EIF2D: variants seen among roughly 807,000 people sequenced by gnomAD.
The protein encoded by EIF2D is eukaryotic translation initiation factor 2D.
EIF2D carries 56 observed loss-of-function variants against 77.4 expected under a neutral mutation model. That is an observed-to-expected ratio of 0.72 (90% confidence interval 0.58 to 0.90). The LOEUF is 0.90. EIF2D is among the 40% of genes least tolerant of loss of function. EIF2D has a pLI of 0.00. For missense variants in EIF2D, 574 were observed against 706.5 expected, an observed-to-expected ratio of 0.81 and a Z score of 2.13; for synonymous variants, 230 against 271.0, an observed-to-expected ratio of 0.85 and a Z score of 1.49.
chr1:206,594,458 C>T (rs1669536537), intron 13 of EIF2D: 1 of 152,180 alleles, frequency 6.6e-6, no homozygotes, highest in South Asian at 2.1e-4. Flanking sequence ...TCACAATTCT[C>T]CCCCTTGTTG....
At chr1:206,582,448 T>C (rs1487117025) in intron 2 of EIF2D, among the ~76,000 whole-genome samples, 1 of 152,214 alleles carries the variant, frequency 6.6e-6, no homozygotes, top group African/African-American at 2.4e-5. Context: ...CTTCTCTTAG[T>C]CTCAATAGTC....
intron 8 of EIF2D, 139 bp downstream of exon 8, chr1:206,600,124 C>G: frequency 3.5e-6 from 3 of 866,800 alleles, no homozygotes; most frequent in Non-Finnish European, 5.3e-6. Context: ...TTTCTTTCTT[C>G]CCCCTTATAC....
chr1:206,592,930 C>T lies in EIF2D; in HGVS notation c.1684+689G>A, dbSNP rs1669417687. Among the ~76,000 whole-genome samples the T allele has an allele frequency of 6.6e-6, 1 of 152,014 alleles. No individual in the cohort carries two copies. Among genetic ancestry groups the T allele is most frequent in the Non-Finnish European group, 1.5e-5 (1 of 67,996 alleles). On this transcript the variant is annotated intron_variant, in intron 14 of 14. Coordinates refer to ENST00000271764, the MANE Select transcript of EIF2D (RefSeq NM_006893.3). The surrounding 1 kb of genome is among the most constrained non-coding windows in gnomAD (Gnocchi z 4.7). ...TGGCTTGGTCAACATAGTGAAACCC[C>T]ATATCTACTAAAAATACAAAAATTA...
At position 206,603,018 on chromosome 1, in the gene EIF2D, T is replaced by A; in HGVS notation, c.717A>T (p.Ser239=). 1 of 1,614,162 alleles carries A rather than the reference T, an allele frequency of 6.2e-7. No homozygotes were observed. The highest frequency in any genetic ancestry group is 8.5e-7 in the Non-Finnish European group (1 of 1,180,030). Residue 239 remains serine (S), a synonymous_variant, in exon 6 of 15, where the codon TCA becomes TCT. Coordinates refer to ENST00000271764, the MANE Select transcript of EIF2D (RefSeq NM_006893.3). ...VHQAREDKSL[S]EAPEDTSTRG... Reference sequence around the variant, plus strand: ...TGGTGCTGGTGTCTTCTGGGGCTTCTGAGAGAGACTTGTCTTCACGTGCCT... The same window carrying A: ...TGGTGCTGGTGTCTTCTGGGGCTTCAGAGAGAGACTTGTCTTCACGTGCCT...
At chr1:206,578,802 C>T (rs1395139668) in intron 4 of EIF2D, among the ~76,000 whole-genome samples, 38 of 152,260 alleles carry the variant, frequency 2.5e-4, no homozygotes, top group Admixed American at 2.1e-3. Flanking sequence ...GTGACTCACT[C>T]AGAGCCTCTC....
Position 206,584,446 on chromosome 1 carries a change from G to A in EIF2D, c.139-3284C>T, listed in dbSNP as rs374252525. The stretch of plus-strand genomic sequence containing the variant: ...TGCATCTGAAACTCCGGCGGCCTGT[G>A]ACGGTGCCTGCTGGGATCCGGCCCC... On this transcript the variant is annotated intron_variant and NMD_transcript_variant, in intron 2 of 5. Coordinates refer to the EIF2D transcript ENST00000472709. This position sits in a 1 kb window ranked among gnomAD's most constrained non-coding sequence, Gnocchi z 4.9. 2.7e-5 allele frequency: 43 copies of A among 1,614,038 alleles called. No individual in the cohort carries two copies. Among genetic ancestry groups the A allele is most frequent in the African/African-American group, 8.0e-5 (6 of 74,924 alleles).
At chr1:206,607,360 A>T (rs1670249873) in intron 4 of EIF2D, among the ~76,000 whole-genome samples, 2 of 152,242 alleles carry the variant, frequency 1.3e-5, no homozygotes, top group Non-Finnish European at 2.9e-5. Context: ...CAAGAAGGAC[A>T]CACATCAAAA....
chr1:206,606,177 T>C (rs1330699074), intron 4 of EIF2D, among the ~76,000 whole-genome samples: 19 of 152,186 alleles, frequency 1.2e-4, no homozygotes, highest in Admixed American at 1.2e-3. Context: ...CCTGTAAGGA[T>C]AGGTGACTAG....
Position 206,591,812 on chromosome 1 carries a change from C to CGAGGATGTGTTT in EIF2D, c.1717_1718insAAACACATCCTC (p.Gly573delinsGluThrHisProArg). ...GCCAGGTTTGAGGGCCTTTTCTAGA[C>CGAGGATGTGTTT]CTTGGATGTGTTTTCGAGGGAGCTG... On this transcript the variant is annotated protein_altering_variant, in exon 15 of 15. Coordinates refer to ENST00000271764, the MANE Select transcript of EIF2D (RefSeq NM_006893.3). 1 of 1,614,172 alleles carries CGAGGATGTGTTT rather than the reference C, an allele frequency of 6.2e-7. No individual in the cohort carries two copies. Among genetic ancestry groups the CGAGGATGTGTTT allele is most frequent in the Non-Finnish European group, 8.5e-7 (1 of 1,180,030 alleles).
Position 206,584,059 on chromosome 1 carries a change from A to T in EIF2D, c.139-2897T>A, listed in dbSNP as rs1553406932. ...TGCCTGGTTCAGAGGTACAAACTAG[A>T]GTGGCTACCCCACACCCTGCCTCTT... On this transcript the variant is annotated intron_variant and NMD_transcript_variant, in intron 2 of 5. Coordinates refer to the EIF2D transcript ENST00000472709. The surrounding 1 kb of genome is among the most constrained non-coding windows in gnomAD (Gnocchi z 4.9). Among the ~76,000 whole-genome samples the T allele has an allele frequency of 6.6e-6, 1 of 152,180 alleles. No individual in the cohort carries two copies. The highest frequency in any genetic ancestry group is 1.9e-4 in the East Asian group (1 of 5,202).
At chr1:206,573,389 C>T (rs1158690529) in intron 4 of EIF2D, among the ~76,000 whole-genome samples, 1 of 152,306 alleles carries the variant, frequency 6.6e-6, no homozygotes, top group African/African-American at 2.4e-5. Context: ...AATACACACT[C>T]ATGTTCATCC....
intron 4 of EIF2D, among the ~76,000 whole-genome samples, chr1:206,606,259 T>C (rs534065310): frequency 2.0e-5 from 3 of 152,330 alleles, no homozygotes; most frequent in African/African-American, 4.8e-5. Flanking sequence ...TTCCCAATAC[T>C]TGAACTTGCT....
At chr1:206,610,279 G>A (rs1420353073) in intron 2 of EIF2D, among the ~76,000 whole-genome samples, 1 of 152,184 alleles carries the variant, frequency 6.6e-6, no homozygotes, top group African/African-American at 2.4e-5. Flanking sequence ...AACACTTCGG[G>A]AGACTGAGGC....
At chr1:206,605,541 G>GA in intron 4 of EIF2D, 34 bp from the exon 5 acceptor site, 1 of 1,562,042 alleles carries the variant, frequency 6.4e-7, no homozygotes, top group Non-Finnish European at 8.8e-7. Flanking sequence ...CAGGGTCATG[G>GA]AAAATCTATG....
chr1:206,607,260 T>C (rs1223791447), intron 4 of EIF2D, among the ~76,000 whole-genome samples: 1 of 152,258 alleles, frequency 6.6e-6, no homozygotes, highest in African/African-American at 2.4e-5. Context: ...AAATAACACA[T>C]ACACAGTATA....
intron 4 of EIF2D, among the ~76,000 whole-genome samples, chr1:206,572,905 T>G (rs1468575321): frequency 6.6e-6 from 1 of 152,212 alleles, no homozygotes; most frequent in Admixed American, 6.5e-5. Context: ...CTGAAGGGCC[T>G]ATCGGGAATC....
At chr1:206,598,636 C>A (rs1669765442) in intron 11 of EIF2D, among the ~76,000 whole-genome samples, 1 of 116,470 alleles carries the variant, frequency 8.6e-6, no homozygotes, top group Non-Finnish European at 1.8e-5. Flanking sequence ...TAACAAAATA[C>A]CATGCACCCC....
chr1:206,608,457 T>C lies in EIF2D; in HGVS notation c.332-131A>G, dbSNP rs1386192119. On this transcript the variant is annotated intron_variant, in intron 3 of 14. Transcript: ENST00000271764. ...TCAACTATGTTTTTCATAATAAAAA[T>C]GAAAAATGGCAACTTCCAACAAAAA... 3.5e-5 allele frequency: 25 copies of C among 706,500 alleles called. No homozygotes were observed. In the East Asian group the frequency reaches 7.6e-4, roughly 22 times the overall value. The allele number at this position is 706,500 out of a possible 1,614,324, so 43.8% of individuals were successfully genotyped here.
At chr1:206,609,124 C>T (rs1358401329) in intron 3 of EIF2D, among the ~76,000 whole-genome samples, 4 of 152,158 alleles carry the variant, frequency 2.6e-5, no homozygotes, top group African/African-American at 9.7e-5. Context: ...CTAAATTCAG[C>T]TTATTGATTT....
Sources: allele counts gnomAD v4.1 joint callset (sites outside exome capture counted in the v4.1 genomes callset), GRCh38; gene constraint gnomAD v4.1.1; non-coding constraint Gnocchi (gnomAD v3.1); transcripts MANE v1.5; gene names NCBI Gene and HGNC (gene_info 2026-07-23, HGNC 2026-07-21).